Variants in KANSL1 observed in about 807,000 individuals in gnomAD.
The protein encoded by KANSL1 is MLL1/MLL complex subunit KANSL1.
In KANSL1, 22 loss-of-function variants were observed where a neutral mutation model predicts 103.6. The observed-to-expected ratio is 0.21, with a 90% CI of 0.15 to 0.30. The LOEUF is 0.30. Ranked by LOEUF, KANSL1 falls within the 10% of genes least tolerant of loss-of-function variation. KANSL1 has a pLI of 1.00. For missense variants in KANSL1, 1,337 were observed against 1,399.8 expected (o/e 0.96, Z 0.72); for synonymous variants, 600 against 527.6 (o/e 1.14, Z -1.88).
chr17:46,219,073 C>G (rs2048431069), intron 1 of KANSL1, among the ~76,000 whole-genome samples: 1 of 151,782 alleles, frequency 6.6e-6, no homozygotes, highest in South Asian at 2.1e-4. Flanking sequence ...CCAGCCTGGC[C>G]AAGCTGGTGA....
chr17:46,174,099 T>A (rs1160712821), intron 1 of KANSL1, among the ~76,000 whole-genome samples: 1 of 152,234 alleles, frequency 6.6e-6, no homozygotes, highest in South Asian at 2.1e-4. Context: ...AAAATCTGAA[T>A]TTTTTAGGCA....
intron 4 of KANSL1, among the ~76,000 whole-genome samples, chr17:46,081,955 TCA>T: frequency 6.6e-6 from 1 of 152,274 alleles, no homozygotes; most frequent in Non-Finnish European, 1.5e-5. Context: ...AGAGAAGGAA[TCA>T]CAGTAGAGCT....
At chr17:46,205,725 A>G (rs189030088) in intron 1 of KANSL1, among the ~76,000 whole-genome samples, 2 of 151,994 alleles carry the variant, frequency 1.3e-5, no homozygotes, top group East Asian at 3.9e-4. Context: ...TAACAAAAGC[A>G]GTGACAATCT....
chr17:46,137,219 CACTT>C (rs1177956424), intron 2 of KANSL1, among the ~76,000 whole-genome samples: 5 of 152,240 alleles, frequency 3.3e-5, no homozygotes, highest in Non-Finnish European at 4.4e-5. Context: ...CTACCCTACT[CACTT>C]ATTCTCTATT....
intron 7 of KANSL1, among the ~76,000 whole-genome samples, chr17:46,047,513 G>A (rs1427778581): frequency 2.6e-5 from 4 of 152,150 alleles, no homozygotes; most frequent in East Asian, 3.9e-4. Flanking sequence ...CAGGCCGGGC[G>A]TGGTGGTTTA....
At chr17:46,150,195 T>C (rs2045013271) in intron 2 of KANSL1, among the ~76,000 whole-genome samples, 3 of 151,420 alleles carry the variant, frequency 2.0e-5, no homozygotes, top group Non-Finnish European at 4.4e-5. Flanking sequence ...TATTCCATGA[T>C]TGTGGCTGCT....
chr17:46,069,270 C>A (rs2078491326), intron 4 of KANSL1, among the ~76,000 whole-genome samples: 1 of 152,134 alleles, frequency 6.6e-6, no homozygotes, highest in Non-Finnish European at 1.5e-5. Flanking sequence ...CGCTGAAGTT[C>A]TCTTTCCTAT....
rs34101027 is a variant in KANSL1 at position 46,039,796 on chromosome 17, T to C, written c.2109A>G (p.Leu703=). The C allele has an allele frequency of 1.6e-3, 2,645 of 1,614,198 alleles. 50 individuals carry two copies. The African/African-American group carries it at 0.032, about 20-fold the overall frequency. ...PFDKIKPPKK[L]SLKHRAPMPG... Reference sequence around the variant, plus strand: ...GCATGGGTGCTCTGTGCTTAAGCGATAACTTTTTGGGAGGTTTGATTTTGT... The same window carrying C: ...GCATGGGTGCTCTGTGCTTAAGCGACAACTTTTTGGGAGGTTTGATTTTGT... The change falls in exon 8 of 15, where the codon TTA becomes TTG. Residue 703 remains leucine, a synonymous_variant. Transcript: ENST00000432791.
intron 2 of KANSL1, among the ~76,000 whole-genome samples, chr17:46,107,758 A>G (rs1390255051): frequency 6.6e-6 from 1 of 152,210 alleles, no homozygotes; most frequent in African/African-American, 2.4e-5. Flanking sequence ...CAAACTTTAC[A>G]TGATCAAAAT....
intron 4 of KANSL1, among the ~76,000 whole-genome samples, chr17:46,071,490 G>A (rs555045900): frequency 6.6e-6 from 1 of 152,262 alleles, no homozygotes; most frequent in Admixed American, 6.5e-5. Context: ...ACAAACACAT[G>A]TAATTTCACC....
At chr17:46,072,894 G>A (rs1344654605) in intron 4 of KANSL1, among the ~76,000 whole-genome samples, 4 of 152,220 alleles carry the variant, frequency 2.6e-5, no homozygotes, top group Admixed American at 2.0e-4. Context: ...ACCAACACTT[G>A]AAAATAACTA....
chr17:46,054,106 G>C (rs898510964), intron 6 of KANSL1, among the ~76,000 whole-genome samples: 1 of 152,052 alleles, frequency 6.6e-6, no homozygotes, highest in African/African-American at 2.4e-5. Context: ...GAGACAGAGT[G>C]AGTCAGTCTC....
intron 2 of KANSL1, among the ~76,000 whole-genome samples, chr17:46,166,120 G>C (rs1369262693): frequency 6.6e-6 from 1 of 150,988 alleles, no homozygotes; most frequent in Non-Finnish European, 1.5e-5. Flanking sequence ...GGCTGAGGCA[G>C]AAGAATTGCT....
At chr17:46,208,754 C>G (rs1597972040) in intron 1 of KANSL1, among the ~76,000 whole-genome samples, 1 of 151,694 alleles carries the variant, frequency 6.6e-6, no homozygotes, top group Non-Finnish European at 1.5e-5. Context: ...GCTCAGCCCA[C>G]CGGAGACAGA....
intron 6 of KANSL1, among the ~76,000 whole-genome samples, chr17:46,059,391 G>A (rs747181521): frequency 6.6e-6 from 1 of 151,960 alleles, no homozygotes; most frequent in Non-Finnish European, 1.5e-5. Context: ...GGCTGAGGCG[G>A]GCAGACCACC....
rs1462861655 is a variant in KANSL1, at chr17:46,113,722, T to G, written c.1290-19021A>C. On this transcript the variant is annotated intron_variant, in intron 2 of 14. Coordinates refer to ENST00000432791, the MANE Select transcript of KANSL1 (RefSeq NM_015443.4). ...TCATCTGCATGAAGTCTACCCTGTATGTACAGATGTAACCTACATGGGAGG... is the reference window on the plus strand; with the variant it reads ...TCATCTGCATGAAGTCTACCCTGTAGGTACAGATGTAACCTACATGGGAGG... Among the ~76,000 whole-genome samples, 10 of 152,298 alleles carry G rather than the reference T, an allele frequency of 6.6e-5. No homozygotes were observed. In the South Asian group the frequency reaches 1.0e-3, roughly 16 times the overall value.
chr17:46,080,894 T>C (rs1434228142), intron 4 of KANSL1, among the ~76,000 whole-genome samples: 1 of 152,190 alleles, frequency 6.6e-6, no homozygotes. Flanking sequence ...AGCATTCTAT[T>C]GCACAATGTT....
intron 1 of KANSL1, among the ~76,000 whole-genome samples, chr17:46,173,393 A>C (rs1338156231): frequency 1.3e-5 from 2 of 152,228 alleles, no homozygotes; most frequent in Non-Finnish European, 2.9e-5. Context: ...TACCTTAAGT[A>C]ATGACACTGC....
In KANSL1 at chr17:46,145,874, G is replaced by A. The variant is rs75741916; in HGVS notation, c.1289+24981C>T. On this transcript the variant is annotated intron_variant, in intron 2 of 14. Transcript: ENST00000432791. The stretch of plus-strand genomic sequence containing the variant: ...CTCCCGAGTAGCTGGGATTACAGGC[G>A]TCGACCATGACACTCAGCTATTTTT... Among the ~76,000 whole-genome samples the A allele has an allele frequency of 5.4e-3, 825 of 152,238 alleles. 9 individuals are homozygous for A. The highest frequency in any genetic ancestry group is 0.019 in the African/African-American group (784 of 41,518).
Sources: allele counts gnomAD v4.1 joint callset (sites outside exome capture counted in the v4.1 genomes callset), GRCh38; gene constraint gnomAD v4.1.1; transcripts MANE v1.5; gene names NCBI Gene and HGNC (gene_info 2026-07-23, HGNC 2026-07-21).